FBLN1: variants seen among roughly 807,000 people sequenced by gnomAD.
The protein encoded by FBLN1 is fibulin-1.
In FBLN1, 34 loss-of-function variants were observed where a neutral mutation model predicts 89.7. The ratio of observed to expected loss-of-function variants is 0.38; its 90% CI spans 0.29 to 0.50. The LOEUF is 0.50. Among genes scored for constraint, FBLN1 ranks in the 20% least tolerant of loss-of-function variants. The probability of loss-of-function intolerance (pLI) is 0.92; values close to 1 mark genes in which losing one functional copy is unlikely to be tolerated. For synonymous variants in FBLN1, 393 were observed against 391.3 expected (o/e 1.00, Z -0.05); for missense variants, 777 against 988.1 (o/e 0.79, Z 2.86).
chr22:45,534,850 G>A lies in FBLN1; in HGVS notation c.785-350G>A, dbSNP rs114388069. On this transcript the variant is annotated intron_variant, in intron 7 of 16. Coordinates refer to ENST00000327858, the MANE Select transcript of FBLN1 (RefSeq NM_006486.3). Reference sequence around the variant, plus strand: ...GAATGGATATGTTTATAGAGACTGTGTTTGTTGCCACTAAGATAATTGCTT... The same window carrying A: ...GAATGGATATGTTTATAGAGACTGTATTTGTTGCCACTAAGATAATTGCTT... Among the ~76,000 whole-genome samples the A allele has an allele frequency of 2.9e-3, 439 of 152,298 alleles. 5 individuals carry two copies. The highest frequency in any genetic ancestry group is 1.0e-2 in the African/African-American group (415 of 41,556).
In FBLN1 at chr22:45,545,929, C is replaced by G. The variant is rs528243809; in HGVS notation, c.1322-1156C>G. On this transcript the variant is annotated intron_variant, in intron 11 of 16. Transcript: ENST00000327858. The surrounding 1 kb of genome is among the most constrained non-coding windows in gnomAD (Gnocchi z 5.9). ...TTGGGAGGCTGAGGCAGGTGGATTA[C>G]TTGAGGTCAGGAGTTCGAGACCAGT... is the stretch of plus-strand genomic sequence containing the variant. 6.6e-6 allele frequency among the ~76,000 whole-genome samples: 1 copy of G among 152,214 alleles called. No homozygotes were observed. Among genetic ancestry groups the G allele is most frequent in the East Asian group, 1.9e-4 (1 of 5,154 alleles).
chr22:45,537,913 G>T lies in FBLN1; in HGVS notation c.922+2576G>T, dbSNP rs2088503625. On this transcript the variant is annotated intron_variant, in intron 8 of 16. Coordinates refer to ENST00000327858, the MANE Select transcript of FBLN1 (RefSeq NM_006486.3). This position sits in a 1 kb window ranked among gnomAD's most constrained non-coding sequence, Gnocchi z 5.7. ...AGACTTGCAGCCTGCTCAAAGGGGG[G>T]TCCGGAGGAGGCTGGCGTCGACTGA... Among the ~76,000 whole-genome samples the T allele has an allele frequency of 6.6e-6, 1 of 152,218 alleles. No individual in the cohort carries two copies. The highest frequency in any genetic ancestry group is 2.4e-5 in the African/African-American group (1 of 41,456).
At chr22:45,534,837 TTA>T (rs1457477769) in intron 7 of FBLN1, among the ~76,000 whole-genome samples, 1 of 152,246 alleles carries the variant, frequency 6.6e-6, no homozygotes, top group Non-Finnish European at 1.5e-5. Flanking sequence ...ATGGATATGT[TTA>T]TAGAGACTGT....
chr22:45,522,213 C>T (rs542525215), intron 2 of FBLN1, among the ~76,000 whole-genome samples: 3 of 152,280 alleles, frequency 2.0e-5, no homozygotes, highest in South Asian at 2.1e-4. Flanking sequence ...TCTCGAACTC[C>T]TGGCTTCAAG....
At chr22:45,516,838 A>G (rs1237392725) in intron 1 of FBLN1, among the ~76,000 whole-genome samples, 2 of 152,214 alleles carry the variant, frequency 1.3e-5, no homozygotes, top group African/African-American at 2.4e-5. Flanking sequence ...CCCTGGGGAA[A>G]AGGGAAAGCC....
intron 16 of FBLN1, among the ~76,000 whole-genome samples, chr22:45,594,044 T>TC (rs1465997235): frequency 1.8e-4 from 28 of 152,124 alleles, no homozygotes; most frequent in Admixed American, 1.3e-4. Flanking sequence ...TGTGAAGACT[T>TC]CTATGAAGCA....
Position 45,532,644 on chromosome 22 carries a change from C to T in FBLN1, c.545-419C>T, listed in dbSNP as rs1301739235. 2.6e-5 allele frequency among the ~76,000 whole-genome samples: 4 copies of T among 152,080 alleles called. No individual in the cohort carries two copies. Among genetic ancestry groups the T allele is most frequent in the Admixed American group, 2.6e-4 (4 of 15,280 alleles). On this transcript the variant is annotated intron_variant, in intron 5 of 16. Coordinates refer to ENST00000327858, the MANE Select transcript of FBLN1 (RefSeq NM_006486.3). This position sits in a 1 kb window ranked among gnomAD's most constrained non-coding sequence, Gnocchi z 4.2. ...GGTGGGCAGCTGCAGGAACTGAGGC[C>T]ATGGTAGTGGGCTTGGAGCAGTGGG...
Position 45,536,513 on chromosome 22 carries a change from C to T in FBLN1, c.922+1176C>T, listed in dbSNP as rs1291982931. 6.6e-6 allele frequency among the ~76,000 whole-genome samples: 1 copy of T among 152,130 alleles called. No individual in the cohort carries two copies. Among genetic ancestry groups the T allele is most frequent in the East Asian group, 1.9e-4 (1 of 5,188 alleles). On this transcript the variant is annotated intron_variant, in intron 8 of 16. Transcript: ENST00000327858. This position sits in a 1 kb window ranked among gnomAD's most constrained non-coding sequence, Gnocchi z 5.1. ...GGCACGGTGGCTCACACTTGTAATC[C>T]CAGCACTTTGGGAGGCCGAGGAGGG...
intron 14 of FBLN1, chr22:45,558,015 G>A (rs1387893324): frequency 2.8e-6 from 2 of 713,484 alleles, no homozygotes; most frequent in East Asian, 2.7e-5. Flanking sequence ...GGTGGTGCCT[G>A]CATATCGTGC....
chr22:45,600,442 T>G lies in FBLN1; in HGVS notation c.2108T>G (p.Phe703Cys). ...CACATCTTCGTCTCTGAGTACTGGT[T>G]CTGAGGGCTGGTCTGCCGCACAGCC... The part of the protein sequence containing the change: ...NVHIFVSEYW[F>C] The change falls in exon 17 of 17, where the codon TTC (phenylalanine) becomes TGC (cysteine). Residue 703 changes from phenylalanine to cysteine, a missense_variant. Coordinates refer to ENST00000327858, the MANE Select transcript of FBLN1 (RefSeq NM_006486.3). 1 of 1,614,188 alleles carries G rather than the reference T, an allele frequency of 6.2e-7. No homozygotes were observed.
intron 14 of FBLN1, among the ~76,000 whole-genome samples, chr22:45,567,446 T>G (rs1436532987): frequency 6.6e-6 from 1 of 152,098 alleles, no homozygotes; most frequent in Non-Finnish European, 1.5e-5. Flanking sequence ...TGAAACCCCG[T>G]CTTTACCAAA....
intron 12 of FBLN1, 104 bp from the exon 13 acceptor site, chr22:45,548,509 C>T: frequency 6.7e-7 from 1 of 1,501,106 alleles, no homozygotes; most frequent in Non-Finnish European, 9.1e-7. Flanking sequence ...TCCTGTGCTG[C>T]TGCCCTCCCG....
chr22:45,550,750 T>G lies in FBLN1; in HGVS notation c.1697+135T>G. 2 of 1,295,360 alleles carry G rather than the reference T, an allele frequency of 1.5e-6. No individual in the cohort carries two copies. Among genetic ancestry groups the G allele is most frequent in the South Asian group, 2.4e-5 (2 of 83,740 alleles). 80.2% of individuals were successfully genotyped at this position (1,295,360 alleles called of 1,614,324 possible). A position where few individuals can be genotyped will look rare whatever the true frequency, so the allele number is the denominator to read the frequency against. ...GGACTCAGGGCACTCAAAGATCACC[T>G]GATCCCTGGCCCTCAAGCCCCTAAA... On this transcript the variant is annotated intron_variant, in intron 14 of 16. Coordinates refer to ENST00000327858, the MANE Select transcript of FBLN1 (RefSeq NM_006486.3). The surrounding 1 kb of genome is among the most constrained non-coding windows in gnomAD (Gnocchi z 8.4).
At chr22:45,528,920 G>T (rs1414663749) in intron 4 of FBLN1, among the ~76,000 whole-genome samples, 1 of 152,210 alleles carries the variant, frequency 6.6e-6, no homozygotes, top group Non-Finnish European at 1.5e-5. Context: ...GGGTCCTAAT[G>T]TGTACCTTGG....
chr22:45,524,127 G>A (rs913579763), intron 2 of FBLN1, among the ~76,000 whole-genome samples: 1 of 152,178 alleles, frequency 6.6e-6, no homozygotes, highest in Non-Finnish European at 1.5e-5. Flanking sequence ...ACGGGCAGCC[G>A]GGTTCAGACC....
At chr22:45,517,432 G>A (rs533258998) in intron 1 of FBLN1, 1 of 400,354 alleles carries the variant, frequency 2.5e-6, no homozygotes, top group East Asian at 7.4e-5. Flanking sequence ...GTGAGCTGAG[G>A]GGCTGGGAGG....
At chr22:45,524,403 AT>A (rs1353444915) in intron 2 of FBLN1, among the ~76,000 whole-genome samples, 2 of 152,114 alleles carry the variant, frequency 1.3e-5, no homozygotes, top group Admixed American at 1.3e-4. Context: ...TCACAGCCTC[AT>A]GGTTGTGTTG....
At position 45,590,543 on chromosome 22, in the gene FBLN1, G is replaced by A. The variant is rs1404650538; in HGVS notation, c.1973-9764G>A. Among the ~76,000 whole-genome samples the A allele has an allele frequency of 2.6e-5, 4 of 152,156 alleles. No homozygotes were observed. On this transcript the variant is annotated intron_variant, in intron 16 of 16. Transcript: ENST00000327858. The surrounding 1 kb of genome is among the most constrained non-coding windows in gnomAD (Gnocchi z 4.1). ...CTGCAGAGCCACAGTGGGCCCCCAC[G>A]GTTGGATTTACCTCCTGGCTCTGAG...
Position 45,550,850 on chromosome 22 carries a change from G to C in FBLN1, c.1697+235G>C. 1.7e-6 allele frequency: 1 copy of C among 605,090 alleles called. No homozygotes were observed. The highest frequency in any genetic ancestry group is 2.9e-5 in the East Asian group (1 of 33,922). 37.5% of individuals were successfully genotyped at this position (605,090 alleles called of 1,614,324 possible). ...CTGGGGTCTATAGTCATGTTTTCAG[G>C]CCAAGGCTGTGCACAGAACCAGGAG... On this transcript the variant is annotated intron_variant, in intron 14 of 16. Coordinates refer to ENST00000327858, the MANE Select transcript of FBLN1 (RefSeq NM_006486.3). The surrounding 1 kb of genome is among the most constrained non-coding windows in gnomAD (Gnocchi z 8.4).
Sources: gnomAD v4.1 joint callset for allele counts (sites outside exome capture counted in the v4.1 genomes callset) on GRCh38, gnomAD v4.1.1 for gene constraint, Gnocchi (gnomAD v3.1) non-coding constraint, MANE v1.5 for transcripts, NCBI Gene and HGNC (gene_info 2026-07-23, HGNC 2026-07-21) for gene names.